Variants in TAFA5 observed in about 807,000 individuals in gnomAD.
The protein encoded by TAFA5 is chemokine-like protein TAFA-5.
Under a neutral mutation model 15.3 loss-of-function variants are expected in TAFA5, and 6 were observed. That is an observed-to-expected ratio of 0.39 (90% CI 0.21 to 0.77). TAFA5 has a LOEUF of 0.77. Among genes scored for constraint, TAFA5 ranks in the 30% least tolerant of loss-of-function variants. The probability of loss-of-function intolerance (pLI) is 0.41; values close to 1 mark genes in which losing one functional copy is unlikely to be tolerated. For missense variants in TAFA5, 161 were observed against 193.1 expected (o/e 0.83, Z 0.98); for synonymous variants, 103 against 80.7 (o/e 1.28, Z -1.48).
intron 3 of TAFA5, among the ~76,000 whole-genome samples, chr22:48,722,655 G>A (rs1929604148): frequency 6.9e-6 from 1 of 145,082 alleles, no homozygotes; most frequent in East Asian, 1.9e-4. Flanking sequence ...GTATACCTAT[G>A]TACCAAAACT....
At chr22:48,724,841 C>T (rs966945808) in intron 3 of TAFA5, among the ~76,000 whole-genome samples, 45 of 152,258 alleles carry the variant, frequency 3.0e-4, no homozygotes, top group African/African-American at 1.1e-3. Context: ...GCATCCCCTG[C>T]TCGGTCCTGC....
intron 1 of TAFA5, among the ~76,000 whole-genome samples, chr22:48,596,293 G>T (rs1472543943): frequency 6.6e-6 from 1 of 152,232 alleles, no homozygotes. Flanking sequence ...ACCACGCTGT[G>T]CCTCCACGGC....
intron 1 of TAFA5, among the ~76,000 whole-genome samples, chr22:48,608,266 A>G (rs1009586976): frequency 3.9e-5 from 6 of 152,150 alleles, no homozygotes; most frequent in Admixed American, 3.9e-4. Flanking sequence ...CCTGTCATCC[A>G]AGAAGCCTCC....
rs1403275651 is a variant in TAFA5 at position 48,490,377 on chromosome 22, G to A, written c.112+673G>A. On this transcript the variant is annotated intron_variant, in intron 1 of 3. Coordinates refer to ENST00000402357, the MANE Select transcript of TAFA5 (RefSeq NM_001082967.3). The surrounding 1 kb of genome is among the most constrained non-coding windows in gnomAD (Gnocchi z 5.8). The stretch of plus-strand genomic sequence containing the variant: ...GCGCGGGCGCGGGCTGGGGTGGTGC[G>A]GGCCAGTGGGCGCCCGGGCGTGAGC... Among the ~76,000 whole-genome samples the A allele has an allele frequency of 6.6e-6, 1 of 151,380 alleles. No individual in the cohort carries two copies. Among genetic ancestry groups the A allele is most frequent in the African/African-American group, 2.4e-5 (1 of 41,172 alleles).
intron 1 of TAFA5, among the ~76,000 whole-genome samples, chr22:48,579,718 G>T (rs9615932): frequency 0.2 from 29,684 of 152,222 alleles, 2,916 homozygotes; most frequent in Admixed American, 0.22. Context: ...CAGCACAGAT[G>T]AGCAGGCTTT....
chr22:48,571,957 C>A (rs1212866367), intron 1 of TAFA5, among the ~76,000 whole-genome samples: 2 of 152,144 alleles, frequency 1.3e-5, no homozygotes, highest in South Asian at 4.2e-4. Flanking sequence ...AAATGGTCCA[C>A]TCACATTAAT....
chr22:48,532,753 C>T (rs1022055120), intron 1 of TAFA5, among the ~76,000 whole-genome samples: 4 of 152,286 alleles, frequency 2.6e-5, no homozygotes, highest in South Asian at 2.1e-4. Context: ...TGGAAGGACC[C>T]GGGCCACTTC....
At chr22:48,639,230 G>C (rs1926587411) in intron 1 of TAFA5, among the ~76,000 whole-genome samples, 1 of 152,134 alleles carries the variant, frequency 6.6e-6, no homozygotes, top group South Asian at 2.1e-4. Context: ...CCTGCCCCCG[G>C]GCCCCACCTT....
At chr22:48,719,810 A>G (rs537611113) in intron 3 of TAFA5, among the ~76,000 whole-genome samples, 1 of 152,342 alleles carries the variant, frequency 6.6e-6, no homozygotes, top group South Asian at 2.1e-4. Context: ...GGACATTTTA[A>G]TAGATTCTGT....
intron 2 of TAFA5, among the ~76,000 whole-genome samples, chr22:48,652,811 CTCCA>C (rs1927102326): frequency 1.5e-4 from 1 of 6,500 alleles, no homozygotes; most frequent in South Asian, 6.0e-3. Context: ...GAGGCACCCT[CTCCA>C]CTGCTTAGGG....
chr22:48,697,930 G>A (rs201045210), intron 2 of TAFA5, among the ~76,000 whole-genome samples: 1 of 130,826 alleles, frequency 7.6e-6, no homozygotes, highest in Admixed American at 7.5e-5. Flanking sequence ...GGTGGTGGTG[G>A]TGATGATGTG....
intron 1 of TAFA5, among the ~76,000 whole-genome samples, chr22:48,506,667 A>G (rs1315708651): frequency 6.6e-6 from 1 of 152,128 alleles, no homozygotes; most frequent in East Asian, 1.9e-4. Context: ...CCGGGTGCTG[A>G]TGAGAATGAA....
chr22:48,739,893 C>T (rs1930131650), intron 3 of TAFA5, among the ~76,000 whole-genome samples: 1 of 152,166 alleles, frequency 6.6e-6, no homozygotes. Flanking sequence ...ACTCCATGGT[C>T]TATGGCAGCA....
At chr22:48,588,402 G>A (rs748914765) in intron 1 of TAFA5, among the ~76,000 whole-genome samples, 1 of 152,206 alleles carries the variant, frequency 6.6e-6, no homozygotes, top group Admixed American at 6.5e-5. Flanking sequence ...TCCCTGGATG[G>A]GGCTGCACTG....
chr22:48,585,747 A>G (rs1249783397), intron 1 of TAFA5, among the ~76,000 whole-genome samples: 1 of 151,696 alleles, frequency 6.6e-6, no homozygotes, highest in African/African-American at 2.4e-5. Context: ...CATACACCAC[A>G]TACGCATACC....
At chr22:48,498,748 T>G (rs764599439) in intron 1 of TAFA5, among the ~76,000 whole-genome samples, 3 of 152,156 alleles carry the variant, frequency 2.0e-5, no homozygotes, top group Non-Finnish European at 4.4e-5. Context: ...CTCCTCCCAG[T>G]TGTGACAACC....
chr22:48,693,530 A>AG (rs1928607521), intron 2 of TAFA5: 3 of 1,446,368 alleles, frequency 2.1e-6, no homozygotes, highest in Non-Finnish European at 2.8e-6. Flanking sequence ...TGAGGCCCGC[A>AG]GGAGGGGCGG....
At chr22:48,499,359 A>G (rs988220807) in intron 1 of TAFA5, among the ~76,000 whole-genome samples, 2 of 152,084 alleles carry the variant, frequency 1.3e-5, no homozygotes, top group South Asian at 2.1e-4. Context: ...TGAGTCCCCA[A>G]GTGTGATTTT....
intron 1 of TAFA5, among the ~76,000 whole-genome samples, chr22:48,535,815 T>C (rs1402651447): frequency 6.6e-6 from 1 of 151,926 alleles, no homozygotes; most frequent in Non-Finnish European, 1.5e-5. Context: ...TATATGCATA[T>C]GTGTAGATGC....
Sources: gnomAD v4.1 joint callset for allele counts (sites outside exome capture counted in the v4.1 genomes callset) on GRCh38, gnomAD v4.1.1 for gene constraint, Gnocchi (gnomAD v3.1) non-coding constraint, MANE v1.5 for transcripts, NCBI Gene and HGNC (gene_info 2026-07-23, HGNC 2026-07-21) for gene names.